Variants in STK31 observed in about 807,000 individuals in gnomAD.
The protein encoded by STK31 is serine/threonine-protein kinase 31.
In STK31, 89 loss-of-function variants were observed where a neutral mutation model predicts 129.7. The ratio of observed to expected loss-of-function variants is 0.69; its 90% confidence interval spans 0.58 to 0.82. STK31 has a LOEUF of 0.82. Ranked by LOEUF, STK31 falls within the 40% of genes least tolerant of loss-of-function variation. The pLI is 0.00. For synonymous variants in STK31, 448 were observed against 395.3 expected (o/e 1.13, Z -1.58); for missense variants, 1,187 against 1,176.4 (o/e 1.01, Z -0.13).
chr7:23,757,775 G>A (rs1028528847), intron 10 of STK31, among the ~76,000 whole-genome samples: 1 of 152,054 alleles, frequency 6.6e-6, no homozygotes, highest in African/African-American at 2.4e-5. Context: ...TGTCGGGCTG[G>A]GGGACGGTCA....
chr7:23,776,010 C>T (rs1790515369), intron 15 of STK31, among the ~76,000 whole-genome samples: 1 of 152,068 alleles, frequency 6.6e-6, no homozygotes, highest in Non-Finnish European at 1.5e-5. Context: ...TCCATCAGTA[C>T]CTAGTTAGTT....
intron 16 of STK31, among the ~76,000 whole-genome samples, chr7:23,782,828 G>C (rs1298858733): frequency 6.6e-6 from 1 of 152,166 alleles, no homozygotes; most frequent in Non-Finnish European, 1.5e-5. Flanking sequence ...AATAATGACA[G>C]TTTTATGCCT....
intron 8 of STK31, among the ~76,000 whole-genome samples, chr7:23,741,953 T>C (rs1045327171): frequency 2.0e-5 from 3 of 152,196 alleles, no homozygotes; most frequent in African/African-American, 7.2e-5. Flanking sequence ...CAAGTGACAC[T>C]TTTGGCCTGT....
intron 8 of STK31, among the ~76,000 whole-genome samples, chr7:23,749,694 A>G (rs1375516448): frequency 1.3e-5 from 2 of 152,092 alleles, no homozygotes. Context: ...ATCAGGTAAA[A>G]AAGCAATTGG....
intron 20 of STK31, among the ~76,000 whole-genome samples, chr7:23,787,741 T>TACACACACACAC (rs71888376): frequency 3.4e-5 from 5 of 145,640 alleles, no homozygotes; most frequent in African/African-American, 1.3e-4. Flanking sequence ...GGTATGATTG[T>TACACACACACAC]ACACACACAC....
chr7:23,714,858 A>T (rs1786204210), intron 3 of STK31, among the ~76,000 whole-genome samples: 1 of 152,124 alleles, frequency 6.6e-6, no homozygotes. Context: ...GCAGCTATTC[A>T]ATTCTGCCAA....
chr7:23,745,329 T>C (rs915820993), intron 8 of STK31, among the ~76,000 whole-genome samples: 7 of 152,140 alleles, frequency 4.6e-5, no homozygotes, highest in Non-Finnish European at 1.0e-4. Flanking sequence ...CAGACTCTGA[T>C]TGCGGTAGGC....
chr7:23,801,921 G>C (rs1220040896), intron 22 of STK31, among the ~76,000 whole-genome samples: 3 of 152,132 alleles, frequency 2.0e-5, no homozygotes, highest in African/African-American at 7.2e-5. Context: ...ACATCATACT[G>C]TCTTGGTTAC....
chr7:23,737,706 A>T (rs542229150), intron 8 of STK31, among the ~76,000 whole-genome samples: 3 of 152,242 alleles, frequency 2.0e-5, no homozygotes, highest in African/African-American at 7.2e-5. Context: ...ATTTTGGTTG[A>T]TATTTCTCTT....
chr7:23,805,436 C>T (rs1209034796), intron 22 of STK31, among the ~76,000 whole-genome samples: 2 of 152,144 alleles, frequency 1.3e-5, no homozygotes, highest in Non-Finnish European at 2.9e-5. Context: ...AAAGGCATTA[C>T]ATTTTATTTC....
chr7:23,776,047 A>G (rs989631560), intron 15 of STK31, among the ~76,000 whole-genome samples: 4 of 152,224 alleles, frequency 2.6e-5, no homozygotes, highest in Admixed American at 2.0e-4. Context: ...AAGTGTGTCA[A>G]ATTTTATCAA....
chr7:23,749,534 G>T (rs1219330365), intron 8 of STK31, among the ~76,000 whole-genome samples: 1 of 148,616 alleles, frequency 6.7e-6, no homozygotes, highest in Non-Finnish European at 1.5e-5. Flanking sequence ...TTTTTTTTGG[G>T]GGTAGAGACC....
chr7:23,815,346 A>C, intron 23 of STK31, 134 bp downstream of exon 23: 1 of 603,860 alleles, frequency 1.7e-6, no homozygotes, highest in Non-Finnish European at 2.7e-6. Context: ...TATTGAAAAA[A>C]ATTCAGGTGC....
At chr7:23,711,584 T>C (rs1785967668) in intron 1 of STK31, among the ~76,000 whole-genome samples, 1 of 152,190 alleles carries the variant, frequency 6.6e-6, no homozygotes, top group African/African-American at 2.4e-5. Flanking sequence ...TATTATGTAA[T>C]TAAAATTATT....
chr7:23,753,111 C>T (rs1305315303), intron 9 of STK31, among the ~76,000 whole-genome samples: 1 of 152,182 alleles, frequency 6.6e-6, no homozygotes, highest in Non-Finnish European at 1.5e-5. Context: ...TGATGGGAAA[C>T]TACCATATCC....
chr7:23,743,951 G>A (rs1788201993), intron 8 of STK31, among the ~76,000 whole-genome samples: 1 of 151,624 alleles, frequency 6.6e-6, no homozygotes, highest in Non-Finnish European at 1.5e-5. Flanking sequence ...GCAGGGTTTT[G>A]TTTTGTTGCC....
intron 18 of STK31, 139 bp from the exon 19 acceptor site, chr7:23,786,369 G>A (rs556839859): frequency 1.1e-5 from 10 of 940,904 alleles, no homozygotes; most frequent in African/African-American, 8.6e-5. Flanking sequence ...AAAGAAGATA[G>A]AAAAGTACTT....
chr7:23,755,661 A>G (rs1191970601), intron 10 of STK31, among the ~76,000 whole-genome samples: 1 of 152,050 alleles, frequency 6.6e-6, no homozygotes, highest in African/African-American at 2.4e-5. Flanking sequence ...TAATCCATCT[A>G]GAGTTAATTT....
chr7:23,741,374 G>C (rs6979276), intron 8 of STK31, among the ~76,000 whole-genome samples: 19,698 of 152,166 alleles, frequency 0.13, 1,551 homozygotes, highest in Middle Eastern at 0.18. Flanking sequence ...ATAGGGTTAG[G>C]AAATATTATT....
Sources: allele counts gnomAD v4.1 joint callset (sites outside exome capture counted in the v4.1 genomes callset), GRCh38; gene constraint gnomAD v4.1.1; transcripts MANE v1.5; gene names NCBI Gene and HGNC (gene_info 2026-07-23, HGNC 2026-07-21).